The following OTOF variants were observed in gnomAD, a reference collection of about 807,000 sequenced individuals.
The protein encoded by OTOF is otoferlin.
OTOF carries 218 observed loss-of-function variants against 236.8 expected under a neutral mutation model. That is an observed-to-expected ratio of 0.92 (90% CI 0.82 to 1.03). OTOF has a LOEUF of 1.03. Among genes scored for constraint, OTOF ranks in the 50% least tolerant of loss-of-function variants. OTOF has a pLI of 0.00. For synonymous variants in OTOF, 1,041 were observed against 1,072.5 expected (o/e 0.97, Z 0.57); for missense variants, 2,590 against 2,694.4 (o/e 0.96, Z 0.86).
intron 3 of OTOF, among the ~76,000 whole-genome samples, chr2:26,525,113 C>T (rs1032805052): frequency 6.6e-6 from 1 of 152,210 alleles, no homozygotes; most frequent in Non-Finnish European, 1.5e-5. Flanking sequence ...TGGGGGGTGT[C>T]TCACCAACCT....
rs138474867 is a variant in OTOF at position 26,480,881 on chromosome 2, G to A, written c.1708C>T (p.Leu570=). Residue 570 remains leucine (L), a synonymous_variant, in exon 15 of 47, where the codon CTG becomes TTG. Transcript: ENST00000272371. ...ACGATCTCCACAGCCAGGCCCAGCA[G>A]GAGCCGGGCCCGGAAGGACACACCC... ...GEGVSFRARL[L]LGLAVEIVDT... 91 of 1,612,836 alleles carry A rather than the reference G, an allele frequency of 5.6e-5. No individual in the cohort carries two copies. In the African/African-American group the frequency reaches 1.1e-3, roughly 20 times the overall value.
intron 1 of OTOF, among the ~76,000 whole-genome samples, chr2:26,553,732 T>C (rs1324975866): frequency 6.6e-6 from 1 of 152,178 alleles, no homozygotes; most frequent in Non-Finnish European, 1.5e-5. Context: ...GCCTCCCTTC[T>C]GAGCTCCGGG....
intron 1 of OTOF, among the ~76,000 whole-genome samples, chr2:26,542,942 G>T (rs1667242344): frequency 6.6e-6 from 1 of 152,218 alleles, no homozygotes; most frequent in African/African-American, 2.4e-5. Context: ...CCCTGTGTGA[G>T]CTGAGAAATA....
chr2:26,480,708 G>C (rs372709464), intron 15 of OTOF, 78 bp downstream of exon 15: 1 of 1,245,214 alleles, frequency 8.0e-7, no homozygotes. Flanking sequence ...AACAGGCAAA[G>C]CCTGGGACCC....
At chr2:26,476,547 C>G (rs1171394386) in intron 22 of OTOF, among the ~76,000 whole-genome samples, 1 of 84,432 alleles carries the variant, frequency 1.2e-5, no homozygotes, top group Admixed American at 1.1e-4. Context: ...TCCTTCCCCA[C>G]CCCTTCCCCC....
chr2:26,531,273 G>A (rs532142371), intron 2 of OTOF, among the ~76,000 whole-genome samples: 5 of 152,242 alleles, frequency 3.3e-5, no homozygotes, highest in South Asian at 4.2e-4. Context: ...TGTATCTCAC[G>A]CAGACTGGGA....
chr2:26,515,597 A>C (rs1301835622), intron 5 of OTOF, among the ~76,000 whole-genome samples: 2 of 152,218 alleles, frequency 1.3e-5, no homozygotes, highest in Non-Finnish European at 2.9e-5. Flanking sequence ...CTTTACTTGG[A>C]AAGGAAAGCG....
At position 26,462,932 on chromosome 2, in the gene OTOF, A is replaced by G. The variant is rs1307142999; in HGVS notation, c.5192+551T>C. Among the ~76,000 whole-genome samples, 2 of 151,982 alleles carry G rather than the reference A, an allele frequency of 1.3e-5. No homozygotes were observed. The highest frequency in any genetic ancestry group is 6.5e-5 in the Admixed American group (1 of 15,274). On this transcript the variant is annotated intron_variant, in intron 41 of 46. Coordinates refer to ENST00000272371, the MANE Select transcript of OTOF (RefSeq NM_194248.3). The surrounding 1 kb of genome is among the most constrained non-coding windows in gnomAD (Gnocchi z 4.7). ...TGAACCTGCCGCTTTATGGATGGGAAACCCGGGTTCTTTTCACTCTACCAC... is the reference window on the plus strand; with the variant it reads ...TGAACCTGCCGCTTTATGGATGGGAGACCCGGGTTCTTTTCACTCTACCAC...
At position 26,473,940 on chromosome 2, in the gene OTOF, G is replaced by A; in HGVS notation, c.3408+51C>T. 6.2e-7 allele frequency: 1 copy of A among 1,610,868 alleles called. No individual in the cohort carries two copies. The highest frequency in any genetic ancestry group is 8.5e-7 in the Non-Finnish European group (1 of 1,178,464). ...GGATGACAAGCCACTTCCCCTCCTG[G>A]GTCCTCAGACTCCTCATCCAAAAGG... On this transcript the variant is annotated intron_variant, in intron 27 of 46. Coordinates refer to ENST00000272371, the MANE Select transcript of OTOF (RefSeq NM_194248.3). The surrounding 1 kb of genome is among the most constrained non-coding windows in gnomAD (Gnocchi z 7.2).
In OTOF at chr2:26,475,951, G is replaced by A. The variant is rs759416977; in HGVS notation, c.2954C>T (p.Ala985Val). Reference protein sequence around the residue: ...ADSSGLSDPFARVFFINQSQC... With the variant: ...ADSSGLSDPFVRVFFINQSQC... Reference sequence around the variant, plus strand: ...ACTCTGATTGATGAAGAAGACGCGGGCAAAGGGGTCTGAGAGTCCGCTGCT... The same window carrying A: ...ACTCTGATTGATGAAGAAGACGCGGACAAAGGGGTCTGAGAGTCCGCTGCT... The change falls in exon 24 of 47, where the codon GCC becomes GTC. Residue 985 changes from alanine (A) to valine (V), a missense_variant. By Grantham distance (64) the Ala-to-Val change is moderately conservative. Coordinates refer to ENST00000272371, the MANE Select transcript of OTOF (RefSeq NM_194248.3). The A allele has an allele frequency of 6.2e-7, 1 of 1,611,574 alleles. No individual in the cohort carries two copies. Among genetic ancestry groups the A allele is most frequent in the Non-Finnish European group, 8.5e-7 (1 of 1,179,444 alleles).
At chr2:26,513,981 A>C (rs61401167) in intron 5 of OTOF, among the ~76,000 whole-genome samples, 12,476 of 152,196 alleles carry the variant, frequency 0.082, 1,150 homozygotes, top group African/African-American at 0.23. Context: ...CCAGAACTCA[A>C]TGGCCCCATA....
intron 1 of OTOF, among the ~76,000 whole-genome samples, chr2:26,552,079 T>C (rs1285452117): frequency 1.0e-5 from 1 of 98,726 alleles, no homozygotes; most frequent in Non-Finnish European, 2.0e-5. Flanking sequence ...AGTTTTTTTA[T>C]ATATAAAAAG....
In OTOF at chr2:26,477,219, T is replaced by G; in HGVS notation, c.2476A>C (p.Arg826=). ...VKRHTVRDKL[R]LCQNFLQKLR... ...TTCTGCAGGAAGTTCTGGCACAGCC[T>G]CAGCTTGTCCCGCACCGTGTGCCGC... Residue 826 remains arginine, a synonymous_variant, in exon 21 of 47, where the codon AGG becomes CGG. Coordinates refer to ENST00000272371, the MANE Select transcript of OTOF (RefSeq NM_194248.3). This position sits in a 1 kb window ranked among gnomAD's most constrained non-coding sequence, Gnocchi z 4.7. 6.2e-7 allele frequency: 1 copy of G among 1,610,702 alleles called. No homozygotes were observed. Among genetic ancestry groups the G allele is most frequent in the Non-Finnish European group, 8.5e-7 (1 of 1,179,566 alleles).
chr2:26,556,200 G>A (rs922025531), intron 1 of OTOF, among the ~76,000 whole-genome samples: 1 of 152,238 alleles, frequency 6.6e-6, no homozygotes, highest in Non-Finnish European at 1.5e-5. Context: ...CCTGGGGCCA[G>A]TGTCTCCCTC....
In OTOF at chr2:26,503,775, G is replaced by A; in HGVS notation, c.580C>T (p.Pro194Ser). The A allele has an allele frequency of 6.2e-7, 1 of 1,613,606 alleles. No homozygotes were observed. Among genetic ancestry groups the A allele is most frequent in the Non-Finnish European group, 8.5e-7 (1 of 1,179,510 alleles). The part of the protein sequence containing the change: ...NRSHKEEPQR[P>S]DEPAVLEMED... ...GCTCACGCGGCACCTGTCCTACCTG[G>A]TCTTTGGGGCTCCTCCTTGTGAGAC... The change falls in exon 6 of 47, where the codon CCA (proline) becomes TCA (serine). Residue 194 changes from proline to serine, a missense_variant. Coordinates refer to ENST00000272371, the MANE Select transcript of OTOF (RefSeq NM_194248.3).
Position 26,473,380 on chromosome 2 carries a change from T to C in OTOF, c.3570+26A>G, listed in dbSNP as rs1665093410. 6.2e-7 allele frequency: 1 copy of C among 1,613,250 alleles called. No individual in the cohort carries two copies. Among genetic ancestry groups the C allele is most frequent in the Non-Finnish European group, 8.5e-7 (1 of 1,179,960 alleles). ...GAGTGGAGCCACACTGGCCACAGGA[T>C]GTCCTCCGCCAGGGCCTGCACTCAC... On this transcript the variant is annotated intron_variant, in intron 28 of 46. Transcript: ENST00000272371. The surrounding 1 kb of genome is among the most constrained non-coding windows in gnomAD (Gnocchi z 7.2).
At position 26,477,577 on chromosome 2, in the gene OTOF, C is replaced by A; in HGVS notation, c.2316-71G>T. ...GCTCTGTAGATTCTTCCTCATCTGC[C>A]CAGCCCTGGCAGGGTCCCCTTTGTC... On this transcript the variant is annotated intron_variant, in intron 19 of 46. Coordinates refer to ENST00000272371, the MANE Select transcript of OTOF (RefSeq NM_194248.3). The surrounding 1 kb of genome is among the most constrained non-coding windows in gnomAD (Gnocchi z 4.7). The A allele has an allele frequency of 1.2e-6, 2 of 1,600,326 alleles. No individual in the cohort carries two copies. The highest frequency in any genetic ancestry group is 1.1e-5 in the South Asian group (1 of 90,140).
Position 26,494,945 on chromosome 2 carries a change from G to A in OTOF, c.894C>T (p.Asn298=), listed in dbSNP as rs112794890. ...CTTTCCCCACAGGGCCACTGACCTCGTTGTAATAGGGGCAGTTAGTGGACT... is the reference window on the plus strand; with the variant it reads ...CTTTCCCCACAGGGCCACTGACCTCATTGTAATAGGGGCAGTTAGTGGACT... ...MKESTNCPYY[N]EYFVFDFHVS... is the part of the protein sequence containing the mutation. Residue 298 remains asparagine (N), a synonymous_variant, in exon 9 of 47, where the codon AAC becomes AAT. Coordinates refer to ENST00000272371, the MANE Select transcript of OTOF (RefSeq NM_194248.3). 7.6e-5 allele frequency: 123 copies of A among 1,614,116 alleles called. 1 individual carries two copies. In the African/African-American group the frequency reaches 1.3e-3, roughly 18 times the overall value.
At chr2:26,482,745 GTGTGTGAGTGGGTGCA>G (rs1175690689) in intron 13 of OTOF, among the ~76,000 whole-genome samples, 153 bp from the exon 14 acceptor site, 4 of 149,954 alleles carry the variant, frequency 2.7e-5, no homozygotes, top group Admixed American at 6.6e-5. Context: ...GCATGTGTGC[GTGTGTGAGTGGGTGCA>G]TGTGTGAGTG....
Sources: allele counts gnomAD v4.1 joint callset (sites outside exome capture counted in the v4.1 genomes callset), GRCh38; gene constraint gnomAD v4.1.1; non-coding constraint Gnocchi (gnomAD v3.1); transcripts MANE v1.5; gene names NCBI Gene and HGNC (gene_info 2026-07-23, HGNC 2026-07-21).